Variants in ABCC9 observed in about 807,000 individuals in gnomAD.
ABCC9 encodes the protein ATP-binding cassette sub-family C member 9.
Under a neutral mutation model 188.3 loss-of-function variants are expected in ABCC9, and 95 were observed. That is an observed-to-expected ratio of 0.50 (90% confidence interval 0.43 to 0.60). The LOEUF (loss-of-function observed/expected upper bound fraction) is 0.60, where lower values mean the gene tolerates loss of function less well. Ranked by LOEUF, ABCC9 falls within the 20% of genes least tolerant of loss-of-function variation. ABCC9 has a pLI of 0.00. For synonymous variants in ABCC9, 659 were observed against 652.7 expected (o/e 1.01, Z -0.15); for missense variants, 1,102 against 1,876.3 (o/e 0.59, Z 7.62).
intron 30 of ABCC9, among the ~76,000 whole-genome samples, chr12:21,830,841 T>C (rs1354529895): frequency 6.6e-6 from 1 of 152,164 alleles, no homozygotes; most frequent in Non-Finnish European, 1.5e-5. Flanking sequence ...GCACTCATGC[T>C]GTGGGACTAA....
chr12:21,908,982 T>C (rs912974479), intron 10 of ABCC9, among the ~76,000 whole-genome samples: 1 of 151,918 alleles, frequency 6.6e-6, no homozygotes, highest in Admixed American at 6.6e-5. Context: ...ATCCATGCAG[T>C]TCAAGTATAT....
At chr12:21,890,198 T>C (rs972439423) in intron 14 of ABCC9, among the ~76,000 whole-genome samples, 1 of 152,086 alleles carries the variant, frequency 6.6e-6, no homozygotes, top group Non-Finnish European at 1.5e-5. Context: ...GTGAAGTAAT[T>C]TCCACCATGC....
Position 21,822,355 on chromosome 12 carries a change from T to A in ABCC9, c.3670-4104A>T, listed in dbSNP as rs79293661. 9.6e-3 allele frequency among the ~76,000 whole-genome samples: 1,458 copies of A among 151,926 alleles called. 22 individuals carry two copies. The highest frequency in any genetic ancestry group is 0.034 in the African/African-American group (1,403 of 41,460). ...AAAGTACTGGAAATATTTTAGAGAC[T>A]ACTGATCAGAATTTTATCTTGATTT... On this transcript the variant is annotated intron_variant, in intron 31 of 39. Coordinates refer to ENST00000261200, the MANE Select transcript of ABCC9 (RefSeq NM_020297.4).
chr12:21,859,172 G>T (rs1349451169), intron 22 of ABCC9, among the ~76,000 whole-genome samples: 3 of 152,118 alleles, frequency 2.0e-5, no homozygotes, highest in Admixed American at 2.0e-4. Context: ...CTTATCCACA[G>T]CCCGAGTTGC....
chr12:21,873,527 A>G (rs1355958720), intron 17 of ABCC9, among the ~76,000 whole-genome samples: 1 of 152,186 alleles, frequency 6.6e-6, no homozygotes, highest in African/African-American at 2.4e-5. Context: ...ATCCTTATCA[A>G]AATCCCTACA....
chr12:21,931,782 G>C (rs1056971566), intron 4 of ABCC9, among the ~76,000 whole-genome samples: 2 of 152,106 alleles, frequency 1.3e-5, no homozygotes, highest in African/African-American at 4.8e-5. Context: ...GGCTATGCTA[G>C]TATAAATAAA....
chr12:21,828,910 G>C (rs1291764889), intron 31 of ABCC9, 48 bp downstream of exon 31: 2 of 1,455,506 alleles, frequency 1.4e-6, no homozygotes, highest in Non-Finnish European at 1.9e-6. Flanking sequence ...TTTGCAGCAG[G>C]CGTCTTCTCT....
intron 2 of ABCC9, 37 bp from the exon 3 acceptor site, chr12:21,936,731 A>T (rs1949504982): frequency 6.9e-7 from 1 of 1,457,570 alleles, no homozygotes; most frequent in Non-Finnish European, 9.6e-7. Flanking sequence ...AAATCCTCTT[A>T]TTAGTAAACT....
At chr12:21,861,359 T>G (rs1945499247) in intron 20 of ABCC9, among the ~76,000 whole-genome samples, 1 of 152,018 alleles carries the variant, frequency 6.6e-6, no homozygotes, top group African/African-American at 2.4e-5. Flanking sequence ...GCCTCCTGAA[T>G]AGCTGGGATT....
intron 12 of ABCC9, among the ~76,000 whole-genome samples, chr12:21,903,813 C>T (rs1385678050): frequency 6.6e-6 from 1 of 152,218 alleles, no homozygotes; most frequent in African/African-American, 2.4e-5. Context: ...ATTCCATGCT[C>T]ATGGATAGGA....
At chr12:21,846,449 G>C (rs1040538718) in intron 25 of ABCC9, among the ~76,000 whole-genome samples, 3 of 152,088 alleles carry the variant, frequency 2.0e-5, no homozygotes, top group Non-Finnish European at 2.9e-5. Flanking sequence ...TCATTTCTAT[G>C]GTCCAGTGAC....
At chr12:21,807,232 A>G (rs912366977) in intron 38 of ABCC9, 114 bp downstream of exon 38, 1 of 1,422,072 alleles carries the variant, frequency 7.0e-7, no homozygotes, top group African/African-American at 1.4e-5. Flanking sequence ...GATTGAGCAG[A>G]TTCTCAAAAC....
At chr12:21,927,256 C>T (rs1260975788) in intron 4 of ABCC9, among the ~76,000 whole-genome samples, 1 of 152,102 alleles carries the variant, frequency 6.6e-6, no homozygotes, top group Non-Finnish European at 1.5e-5. Context: ...CATCTCAACC[C>T]GTGGAAAACT....
At chr12:21,850,258 A>G (rs1944894978) in intron 24 of ABCC9, among the ~76,000 whole-genome samples, 1 of 151,878 alleles carries the variant, frequency 6.6e-6, no homozygotes. Flanking sequence ...TTGATAGGAA[A>G]CACCCTGTCC....
intron 5 of ABCC9, among the ~76,000 whole-genome samples, chr12:21,917,907 A>T (rs1231298439): frequency 6.6e-6 from 1 of 152,202 alleles, no homozygotes; most frequent in Non-Finnish European, 1.5e-5. Context: ...TCCAGCTTGG[A>T]CAACATTTAT....
intron 12 of ABCC9, 51 bp downstream of exon 12, chr12:21,906,075 T>C (rs761189307): frequency 1.3e-6 from 2 of 1,556,468 alleles, no homozygotes; most frequent in South Asian, 1.1e-5. Flanking sequence ...AGACTGTTGG[T>C]TATTCTGGTT....
At chr12:21,907,615 A>G (rs1021849251) in intron 11 of ABCC9, among the ~76,000 whole-genome samples, 1 of 152,058 alleles carries the variant, frequency 6.6e-6, no homozygotes, top group Non-Finnish European at 1.5e-5. Context: ...CAGCAAGAGC[A>G]GCTGCCACTG....
At chr12:21,867,364 G>C (rs2137546082) in intron 18 of ABCC9, among the ~76,000 whole-genome samples, 1 of 152,200 alleles carries the variant, frequency 6.6e-6, no homozygotes, top group South Asian at 2.1e-4. Context: ...CAAGACAACA[G>C]GAGAATGCAA....
chr12:21,820,074 A>C (rs185091356), intron 31 of ABCC9, among the ~76,000 whole-genome samples: 4 of 152,322 alleles, frequency 2.6e-5, no homozygotes, highest in Admixed American at 6.5e-5. Flanking sequence ...TATTTACAGC[A>C]ATATGAATTT....
Sources: gnomAD v4.1 joint callset for allele counts (sites outside exome capture counted in the v4.1 genomes callset) on GRCh38, gnomAD v4.1.1 for gene constraint, MANE v1.5 for transcripts, NCBI Gene and HGNC (gene_info 2026-07-23, HGNC 2026-07-21) for gene names.